TOMM20L: variants seen among roughly 807,000 people sequenced by gnomAD.
The protein encoded by TOMM20L is translocase of outer mitochondrial membrane 20 like.
A neutral mutation model predicts 20.4 loss-of-function variants in TOMM20L; 19 were observed. The ratio of observed to expected loss-of-function variants is 0.93; its 90% CI spans 0.65 to 1.36. The LOEUF (loss-of-function observed/expected upper bound fraction) is 1.36, where lower values mean the gene tolerates loss of function less well. Ranked by LOEUF, TOMM20L falls within the 40% of genes most tolerant of loss-of-function variation. The pLI is 0.00. For synonymous variants in TOMM20L, 75 were observed against 79.6 expected, an observed-to-expected ratio of 0.94 and a Z score of 0.30; for missense variants, 218 against 203.7, an observed-to-expected ratio of 1.07 and a Z score of -0.43.
At chr14:58,401,403 C>G (rs901403111) in intron 2 of TOMM20L, among the ~76,000 whole-genome samples, 1 of 152,068 alleles carries the variant, frequency 6.6e-6, no homozygotes, top group Non-Finnish European at 1.5e-5. Flanking sequence ...AACCCCATCT[C>G]TACTAAAAAT....
chr14:58,409,571 TTTTA>T (rs897459931), downstream of TOMM20L, among the ~76,000 whole-genome samples: 14 of 151,978 alleles, frequency 9.2e-5, no homozygotes, highest in East Asian at 7.7e-4. Flanking sequence ...CTTATTTTAA[TTTTA>T]TTTATTTATT....
the TOMM20L span, among the ~76,000 whole-genome samples, chr14:58,416,543 G>T: frequency 9.6e-3 from 1,469 of 152,268 alleles, 23 homozygotes; most frequent in African/African-American, 0.034. Flanking sequence ...AATCGCTCAA[G>T]TTTCTAAACG....
chr14:58,396,200 G>A (rs1283915160), intron 1 of TOMM20L, 98 bp from the exon 2 acceptor site: 2 of 1,547,824 alleles, frequency 1.3e-6, no homozygotes, highest in Non-Finnish European at 1.7e-6. Context: ...CTCAGCCTCT[G>A]CCGAGGGGCC....
At chr14:58,411,834 G>C, downstream of TOMM20L, 1 of 1,419,280 alleles carries the variant, frequency 7.0e-7, no homozygotes, top group Non-Finnish European at 1.0e-6. Context: ...ACTGCACCCA[G>C]CCTGACATGG....
downstream of TOMM20L, among the ~76,000 whole-genome samples, chr14:58,413,126 T>TAGTAAGTCTTTGATTTTGGTGAGC (rs2036276439): frequency 6.6e-6 from 1 of 152,166 alleles, no homozygotes; most frequent in African/African-American, 2.4e-5. Flanking sequence ...CCTTTTCTGG[T>TAGTAAGTCTTTGATTTTGGTGAGC]AGTAAGTCTT....
chr14:58,407,966 C>T (rs567243500), intron 4 of TOMM20L, among the ~76,000 whole-genome samples: 1 of 152,262 alleles, frequency 6.6e-6, no homozygotes, highest in Non-Finnish European at 1.5e-5. Context: ...ACTTTGGTTC[C>T]CTTTTTATCA....
In TOMM20L at chr14:58,396,327, G is replaced by A. The variant is rs755536928; in HGVS notation, c.166G>A (p.Glu56Lys). The A allele has an allele frequency of 5.0e-6, 8 of 1,613,424 alleles. No homozygotes were observed. The South Asian group carries it at 6.6e-5, about 13-fold the overall frequency. Residue 56 changes from glutamate to lysine, a missense_variant, in exon 2 of 5, where the codon GAG (glutamate) becomes AAG (lysine). Glu to Lys is a moderately conservative substitution (Grantham distance 56, BLOSUM62 1). Coordinates refer to ENST00000360945, the MANE Select transcript of TOMM20L (RefSeq NM_207377.3). ...KRRAEPQKAE[E>K]QGTQLWDPTK... ...AAGAGCAGAGCCTCAAAAGGCTGAG[G>A]AGCAGGGCACGCAGGTGCAGTGCTT...
At chr14:58,396,430 G>GTAGT in intron 2 of TOMM20L, 89 bp downstream of exon 2, 1 of 1,462,798 alleles carries the variant, frequency 6.8e-7, no homozygotes, top group Non-Finnish European at 9.4e-7. Context: ...TCGGCAGCAG[G>GTAGT]TAGTTAGTTC....
chr14:58,398,549 A>G (rs1190679563), intron 2 of TOMM20L: 3 of 152,186 alleles, frequency 2.0e-5, no homozygotes, highest in Non-Finnish European at 4.4e-5. Flanking sequence ...GAACAGACAC[A>G]ATTATTTTGG....
chr14:58,409,291 G>T, downstream of TOMM20L: 1 of 1,076,506 alleles, frequency 9.3e-7, no homozygotes, highest in East Asian at 2.7e-5. Context: ...GAATTAAATA[G>T]TACTAATTGG....
rs779044062 is a variant in TOMM20L, at chr14:58,407,326, G to T, written c.263G>T (p.Gly88Val). ...VRMGELWLSR[G>V]EHRMGIQHLG... ...CTCAAAACTTGTCATTCTGTTTCAG[G>T]AGAGCACAGAATGGGGATTCAACAC... is the stretch of plus-strand genomic sequence containing the variant. Residue 88 changes from glycine to valine, a missense_variant and splice_region_variant, in exon 4 of 5, where the codon GGA (glycine) becomes GTA (valine). Coordinates refer to ENST00000360945, the MANE Select transcript of TOMM20L (RefSeq NM_207377.3). 3.1e-6 allele frequency: 5 copies of T among 1,598,218 alleles called. No homozygotes were observed. The South Asian group carries it at 5.7e-5, about 18-fold the overall frequency.
intron 2 of TOMM20L, among the ~76,000 whole-genome samples, chr14:58,399,330 A>T (rs964503051): frequency 1.3e-5 from 2 of 152,192 alleles, no homozygotes; most frequent in African/African-American, 4.8e-5. Flanking sequence ...CATCTGTTAA[A>T]ATATGGATTA....
chr14:58,403,341 G>C (rs1449311874), intron 3 of TOMM20L, among the ~76,000 whole-genome samples: 1 of 152,168 alleles, frequency 6.6e-6, no homozygotes, highest in East Asian at 1.9e-4. Context: ...CTGGGAGACA[G>C]AGACTCTGTC....
chr14:58,399,461 C>A (rs1478398019), intron 2 of TOMM20L, among the ~76,000 whole-genome samples: 1 of 152,046 alleles, frequency 6.6e-6, no homozygotes, highest in Non-Finnish European at 1.5e-5. Context: ...ATGCAAATTC[C>A]TGGGCCCTAC....
chr14:58,409,320 TTTAA>T (rs1427064454), downstream of TOMM20L: 4 of 815,792 alleles, frequency 4.9e-6, no homozygotes, highest in Non-Finnish European at 7.4e-6. Flanking sequence ...GACCATAGCT[TTTAA>T]TTGATACTTT....
intron 1 of TOMM20L, 25 bp downstream of exon 1, chr14:58,396,118 C>T (rs758889401): frequency 7.7e-7 from 1 of 1,292,800 alleles, no homozygotes; most frequent in Non-Finnish European, 9.8e-7. Flanking sequence ...GGCGGAGGCG[C>T]GGCCGGGCCG....
intron 2 of TOMM20L, among the ~76,000 whole-genome samples, chr14:58,401,232 C>T (rs1028769298): frequency 1.3e-5 from 2 of 152,142 alleles, no homozygotes; most frequent in Non-Finnish European, 2.9e-5. Flanking sequence ...TTGAGTAAAA[C>T]CTCTGATGTT....
At chr14:58,397,399 G>A (rs2035941574) in intron 2 of TOMM20L, among the ~76,000 whole-genome samples, 1 of 152,208 alleles carries the variant, frequency 6.6e-6, no homozygotes, top group African/African-American at 2.4e-5. Flanking sequence ...TCAATTTAAA[G>A]GGAGAGGAAA....
At chr14:58,409,363 G>C (rs978751969), downstream of TOMM20L, among the ~76,000 whole-genome samples, 1 of 151,988 alleles carries the variant, frequency 6.6e-6, no homozygotes, top group Non-Finnish European at 1.5e-5. Flanking sequence ...AATATATATT[G>C]AATGCCTGCC....
Sources: gnomAD v4.1 joint callset for allele counts (sites outside exome capture counted in the v4.1 genomes callset) on GRCh38, gnomAD v4.1.1 for gene constraint, MANE v1.5 for transcripts, NCBI Gene and HGNC (gene_info 2026-07-23, HGNC 2026-07-21) for gene names.